Variants in HYCC1 observed in about 807,000 individuals in gnomAD.
The protein encoded by HYCC1 is hyccin PI4KA lipid kinase complex subunit 1.
the HYCC1 span, among the ~76,000 whole-genome samples, chr7:22,896,925 C>G: frequency 6.6e-6 from 1 of 152,138 alleles, no homozygotes; most frequent in Non-Finnish European, 1.5e-5. Flanking sequence ...ACTTTATAAG[C>G]TCACATACAT....
chr7:22,898,944 T>TCCAA, the HYCC1 span, among the ~76,000 whole-genome samples: 1 of 152,188 alleles, frequency 6.6e-6, no homozygotes, highest in Non-Finnish European at 1.5e-5. Context: ...CCCTTGTGTG[T>TCCAA]CCAAGCAAGC....
the HYCC1 span, among the ~76,000 whole-genome samples, chr7:22,993,564 A>G: frequency 3.3e-5 from 5 of 152,156 alleles, no homozygotes; most frequent in African/African-American, 1.2e-4. Context: ...AAAGGTAGAC[A>G]ATCCTATAGG....
At chr7:22,946,914 T>A in the HYCC1 span, 2 of 1,510,886 alleles carry the variant, frequency 1.3e-6, no homozygotes, top group Middle Eastern at 1.7e-4. Flanking sequence ...GTGCAACTGC[T>A]GCTTAACATG....
chr7:22,954,465 A>C, the HYCC1 span, among the ~76,000 whole-genome samples: 1 of 151,232 alleles, frequency 6.6e-6, no homozygotes, highest in African/African-American at 2.4e-5. Flanking sequence ...TTATGAAACA[A>C]ATCACTTTTT....
the HYCC1 span, chr7:22,940,234 C>CTG: frequency 5.1e-4 from 39 of 76,184 alleles, no homozygotes; most frequent in African/African-American, 2.1e-3. Flanking sequence ...TTAATAGGTT[C>CTG]TGTTTTTTTT....
chr7:22,960,396 G>A, the HYCC1 span: 11 of 1,613,110 alleles, frequency 6.8e-6, no homozygotes, highest in Non-Finnish European at 8.5e-6. Flanking sequence ...AGGCAATGAA[G>A]CCTTTATTGC....
chr7:22,997,446 C>T, the HYCC1 span, among the ~76,000 whole-genome samples: 1 of 152,038 alleles, frequency 6.6e-6, no homozygotes, highest in East Asian at 1.9e-4. Flanking sequence ...TGACACATCA[C>T]GAAATTTTAA....
chr7:22,920,770 T>C, the HYCC1 span, among the ~76,000 whole-genome samples: 1 of 152,208 alleles, frequency 6.6e-6, no homozygotes, highest in Non-Finnish European at 1.5e-5. Context: ...GTGTGTCCCC[T>C]ACAAATCTCG....
At chr7:22,926,258 G>C in the HYCC1 span, among the ~76,000 whole-genome samples, 1 of 152,094 alleles carries the variant, frequency 6.6e-6, no homozygotes, top group East Asian at 1.9e-4. Context: ...TCAAGGCTAG[G>C]AAGAAACTGC....
chr7:22,895,999 A>G, the HYCC1 span, among the ~76,000 whole-genome samples: 3 of 152,204 alleles, frequency 2.0e-5, no homozygotes, highest in African/African-American at 7.2e-5. Context: ...TTGAATTTCT[A>G]TATTTTAAAA....
chr7:22,899,010 G>T, the HYCC1 span, among the ~76,000 whole-genome samples: 1 of 152,306 alleles, frequency 6.6e-6, no homozygotes, highest in East Asian at 1.9e-4. Context: ...TCTTTGTCAA[G>T]GCCATTTTTA....
chr7:22,934,106 T>G, the HYCC1 span: 1 of 152,134 alleles, frequency 6.6e-6, no homozygotes, highest in African/African-American at 2.4e-5. Flanking sequence ...CTTTCCCTTT[T>G]GAAGGGTTGT....
the HYCC1 span, chr7:22,984,009 T>C: frequency 6.2e-7 from 1 of 1,608,390 alleles, no homozygotes; most frequent in South Asian, 1.1e-5. Flanking sequence ...TCTTTCAAAT[T>C]TGTGGCATAA....
the HYCC1 span, chr7:22,935,315 G>A: frequency 6.6e-6 from 1 of 152,144 alleles, no homozygotes; most frequent in African/African-American, 2.4e-5. Flanking sequence ...CTCCACAGAG[G>A]ATTTGTTTAT....
At chr7:22,915,222 CTTAA>C in the HYCC1 span, among the ~76,000 whole-genome samples, 134 of 152,296 alleles carry the variant, frequency 8.8e-4, no homozygotes, top group African/African-American at 2.9e-3. Flanking sequence ...CACAACAGGA[CTTAA>C]TTAACCTCGC....
the HYCC1 span, among the ~76,000 whole-genome samples, chr7:22,915,933 T>C: frequency 6.6e-6 from 1 of 152,024 alleles, no homozygotes; most frequent in Non-Finnish European, 1.5e-5. Flanking sequence ...CACACCTCAT[T>C]GTTGCCCTTT....
the HYCC1 span, among the ~76,000 whole-genome samples, chr7:22,948,913 G>A: frequency 6.6e-6 from 1 of 151,920 alleles, no homozygotes; most frequent in South Asian, 2.1e-4. Context: ...CCAAGTTAGG[G>A]CAAATAAATT....
At chr7:22,965,002 C>A in the HYCC1 span, among the ~76,000 whole-genome samples, 1 of 151,862 alleles carries the variant, frequency 6.6e-6, no homozygotes, top group African/African-American at 2.4e-5. Context: ...GGTATGGTGG[C>A]ATGTGCCTGT....
chr7:22,999,499 T>A, the HYCC1 span, among the ~76,000 whole-genome samples: 1 of 152,172 alleles, frequency 6.6e-6, no homozygotes, highest in African/African-American at 2.4e-5. Flanking sequence ...TATCACACAA[T>A]TGCATATTAA....
Sources: gnomAD v4.1 joint callset for allele counts (sites outside exome capture counted in the v4.1 genomes callset) on GRCh38, gnomAD v4.1.1 for gene constraint, MANE v1.5 for transcripts, NCBI Gene and HGNC (gene_info 2026-07-23, HGNC 2026-07-21) for gene names.